ELFN1: variants seen among roughly 807,000 people sequenced by gnomAD.
The protein encoded by ELFN1 is extracellular leucine rich repeat and fibronectin type III domain containing 1, also known as protein ELFN1.
In ELFN1, 6 loss-of-function variants were observed where a neutral mutation model predicts 7.6. That is an observed-to-expected ratio of 0.79 (90% CI 0.43 to 1.56). ELFN1 has a LOEUF of 1.56. Among genes scored for constraint, ELFN1 ranks in the 40% most tolerant of loss-of-function variants. ELFN1 has a pLI of 0.01. For synonymous variants in ELFN1, 657 were observed against 588.1 expected (o/e 1.12, Z -1.70); for missense variants, 1,169 against 1,232.2 (o/e 0.95, Z 0.77).
intron 1 of ELFN1, among the ~76,000 whole-genome samples, chr7:1,677,800 T>C (rs1778900105): frequency 6.6e-6 from 1 of 152,030 alleles, no homozygotes; most frequent in Non-Finnish European, 1.5e-5. Flanking sequence ...GCAAATTCAG[T>C]CGAGCGGATG....
At chr7:1,691,564 G>C (rs1339624312) in intron 2 of ELFN1, among the ~76,000 whole-genome samples, 3 of 152,220 alleles carry the variant, frequency 2.0e-5, no homozygotes, top group Non-Finnish European at 4.4e-5. Context: ...TCTGAAGGCT[G>C]TGTTAGGCTG....
In ELFN1 at chr7:1,738,248, C is replaced by CT. The variant is rs905973498; in HGVS notation, c.-293-6055dup. On this transcript the variant is annotated intron_variant, in intron 3 of 3. Coordinates refer to ENST00000424383, the MANE Select transcript of ELFN1 (RefSeq NM_001128636.4). ...TGCCCAGGGCCGGGCACGTGGAGGC[C>CT]TCTCTCCATCTGGGTGAGGGGCGTC... Among the ~76,000 whole-genome samples, 17 of 152,178 alleles carry CT rather than the reference C, an allele frequency of 1.1e-4. 1 individual carries two copies. The highest frequency in any genetic ancestry group is 4.1e-4 in the African/African-American group (17 of 41,442).
intron 3 of ELFN1, among the ~76,000 whole-genome samples, chr7:1,721,837 G>C (rs998864837): frequency 3.3e-5 from 5 of 152,208 alleles, no homozygotes; most frequent in Non-Finnish European, 7.3e-5. Context: ...CCAAGCTCAA[G>C]TCTCCCTCGG....
Position 1,747,020 on chromosome 7 carries a change from A to G in ELFN1, c.2424A>G (p.Lys808=). ...HALRKKVQFA[K]DEDLHDILDY... is the part of the protein sequence containing the mutation. ...TGCGCAAGAAGGTTCAGTTCGCCAAAGACGAGGATCTGCACGACATCCTGG... is the reference window on the plus strand; with the variant it reads ...TGCGCAAGAAGGTTCAGTTCGCCAAGGACGAGGATCTGCACGACATCCTGG... The change falls in exon 4 of 4, where the codon AAA becomes AAG. Residue 808 remains lysine, a synonymous_variant. Transcript: ENST00000424383. The G allele has an allele frequency of 1.3e-6, 2 of 1,562,674 alleles. No homozygotes were observed. The highest frequency in any genetic ancestry group is 1.7e-6 in the Non-Finnish European group (2 of 1,154,410).
At position 1,746,568 on chromosome 7, in the gene ELFN1, G is replaced by T. The variant is rs1211834858; in HGVS notation, c.1972G>T (p.Gly658Trp). ...CCGCGCCTTCCGAGCCGAGGCCGTC[G>T]GGGTGCACAAGGCCGCGGCCGCCGA... Reference protein sequence around the residue: ...SPRAFRAEAVGVHKAAAAEAK... With the variant: ...SPRAFRAEAVWVHKAAAAEAK... The change falls in exon 4 of 4, where the codon GGG becomes TGG. Residue 658 changes from glycine to tryptophan, a missense_variant. Coordinates refer to ENST00000424383, the MANE Select transcript of ELFN1 (RefSeq NM_001128636.4). 15 of 1,356,970 alleles carry T rather than the reference G, an allele frequency of 1.1e-5. No individual in the cohort carries two copies. The allele number at this position is 1,356,970 out of a possible 1,614,324, so 84.1% of individuals were successfully genotyped here. A position where few individuals can be genotyped will look rare whatever the true frequency, so the allele number is the denominator to read the frequency against.
intron 3 of ELFN1, among the ~76,000 whole-genome samples, chr7:1,743,085 TG>T (rs1355292370): frequency 9.4e-6 from 1 of 106,576 alleles, no homozygotes; most frequent in African/African-American, 4.0e-5. Flanking sequence ...TCGAGGGTAG[TG>T]GTGGGGGGGT....
At position 1,746,661 on chromosome 7, in the gene ELFN1, G is replaced by A. The variant is rs565613294; in HGVS notation, c.2065G>A (p.Val689Met). The part of the protein sequence containing the change: ...AILTVTPAAA[V>M]LRAEAEKGRQ... ...CCTCACTGTGACACCCGCGGCCGCC[G>A]TGCTGCGGGCCGAGGCCGAGAAGGG... The change falls in exon 4 of 4, where the codon GTG becomes ATG. Residue 689 changes from valine to methionine, a missense_variant. Around this residue, in one of 2 missense-constraint regions of ELFN1, gnomAD observed 914 missense variants for 872.6 expected, o/e 1.05. Transcript: ENST00000424383. The A allele has an allele frequency of 1.7e-4, 236 of 1,375,002 alleles. 6 individuals carry two copies. In the South Asian group the frequency reaches 3.6e-3, roughly 21 times the overall value. 85.2% of individuals were successfully genotyped at this position (1,375,002 alleles called of 1,614,324 possible). A position where few individuals can be genotyped will look rare whatever the true frequency, so the allele number is the denominator to read the frequency against.
At chr7:1,729,853 A>G (rs563011928) in intron 3 of ELFN1, among the ~76,000 whole-genome samples, 4 of 152,272 alleles carry the variant, frequency 2.6e-5, no homozygotes, top group Admixed American at 1.3e-4. Context: ...TTCATTTTGT[A>G]TTGTCTGTGC....
chr7:1,692,989 G>A (rs961807221), intron 2 of ELFN1: 15 of 256,368 alleles, frequency 5.9e-5, no homozygotes, highest in East Asian at 3.3e-4. Flanking sequence ...TGTGCTGGCC[G>A]GGCTGTTACT....
Position 1,745,223 on chromosome 7 carries a change from C to T in ELFN1, c.627C>T (p.Thr209=). ...LGFLRWLAAF[T]NATQTYDRMQ... is the part of the protein sequence containing the mutation. ...TCCTGCGCTGGCTGGCCGCCTTCAC[C>T]AACGCCACACAGACGTACGACCGCA... is the stretch of plus-strand genomic sequence containing the variant. The change falls in exon 4 of 4, where the codon ACC becomes ACT. Residue 209 remains threonine (T), a synonymous_variant. Coordinates refer to ENST00000424383, the MANE Select transcript of ELFN1 (RefSeq NM_001128636.4). The T allele has an allele frequency of 6.5e-7, 1 of 1,542,292 alleles. No individual in the cohort carries two copies. The highest frequency in any genetic ancestry group is 8.7e-7 in the Non-Finnish European group (1 of 1,146,904).
Position 1,746,820 on chromosome 7 carries a change from C to A in ELFN1, c.2224C>A (p.Arg742=). 1.3e-6 allele frequency: 2 copies of A among 1,534,370 alleles called. No homozygotes were observed. The highest frequency in any genetic ancestry group is 2.4e-5 in the South Asian group (2 of 82,256). ...RKASILEPLT[R]PRPRDLAYSQ... is the part of the protein sequence containing the mutation. Reference sequence around the variant, plus strand: ...GGCGTCCATCCTGGAGCCACTCACCCGGCCGCGGCCCCGCGACCTCGCCTA... The same window carrying A: ...GGCGTCCATCCTGGAGCCACTCACCAGGCCGCGGCCCCGCGACCTCGCCTA... The change falls in exon 4 of 4, where the codon CGG becomes AGG. Residue 742 remains arginine (R), a synonymous_variant. Transcript: ENST00000424383.
At chr7:1,736,775 C>T (rs1022876176) in intron 3 of ELFN1, among the ~76,000 whole-genome samples, 7 of 152,146 alleles carry the variant, frequency 4.6e-5, no homozygotes, top group African/African-American at 1.4e-4. Flanking sequence ...AATTGGAGAC[C>T]TGGGACTCTG....
Position 1,746,450 on chromosome 7 carries a change from C to A in ELFN1, c.1854C>A (p.Asp618Glu), listed in dbSNP as rs546443014. The A allele has an allele frequency of 6.5e-7, 1 of 1,527,504 alleles. No homozygotes were observed. Among genetic ancestry groups the A allele is most frequent in the South Asian group, 1.2e-5 (1 of 83,262 alleles). The allele number at this position is 1,527,504 out of a possible 1,614,324, so 94.6% of individuals were successfully genotyped here. ...GCTTCCTGGCGCCCGGGTACAAGGA[C>A]GCCTTCGGCCACAGCCTGCAGCGGC... is the stretch of plus-strand genomic sequence containing the variant. The part of the protein sequence containing the change: ...KHGFLAPGYK[D>E]AFGHSLQRHH... The change falls in exon 4 of 4, where the codon GAC becomes GAA. Residue 618 changes from aspartate (D) to glutamate (E), a missense_variant. Asp to Glu is a conservative substitution (Grantham distance 45). Coordinates refer to ENST00000424383, the MANE Select transcript of ELFN1 (RefSeq NM_001128636.4).
chr7:1,726,498 C>T (rs369619188), intron 3 of ELFN1, among the ~76,000 whole-genome samples: 4 of 152,224 alleles, frequency 2.6e-5, no homozygotes, highest in East Asian at 1.9e-4. Context: ...CCAGCTCCCC[C>T]GAGGCCTCAC....
At position 1,744,911 on chromosome 7, in the gene ELFN1, G is replaced by A. The variant is rs77210571; in HGVS notation, c.315G>A (p.Ser105=). 2,834 of 1,553,866 alleles carry A rather than the reference G, an allele frequency of 1.8e-3. 19 individuals are homozygous for A. In the East Asian group the frequency reaches 0.025, roughly 13 times the overall value. The change falls in exon 4 of 4, where the codon TCG becomes TCA. Residue 105 remains serine, a synonymous_variant. Coordinates refer to ENST00000424383, the MANE Select transcript of ELFN1 (RefSeq NM_001128636.4). The part of the protein sequence containing the change: ...EIGYIEDGAF[S]GQFNLQVLQL... The stretch of plus-strand genomic sequence containing the variant: ...GCTACATCGAGGACGGCGCCTTCTC[G>A]GGCCAGTTCAACCTGCAGGTGCTGC...
chr7:1,688,491 T>C (rs1667503081), intron 2 of ELFN1, among the ~76,000 whole-genome samples: 1 of 152,234 alleles, frequency 6.6e-6, no homozygotes, highest in African/African-American at 2.4e-5. Context: ...AATCCACCTG[T>C]AATTTTTTAT....
In ELFN1 at chr7:1,746,411, G is replaced by A. The variant is rs1435819101; in HGVS notation, c.1815G>A (p.Leu605=). The change falls in exon 4 of 4, where the codon CTG becomes CTA. Residue 605 remains leucine (L), a synonymous_variant. Transcript: ENST00000424383. Reference sequence around the variant, plus strand: ...CGCTGGTGCTGCTGTCCGAGCCGCTGGCCGCCAAGCACGGCTTCCTGGCGC... The same window carrying A: ...CGCTGGTGCTGCTGTCCGAGCCGCTAGCCGCCAAGCACGGCTTCCTGGCGC... ...EPPLVLLSEP[L]AAKHGFLAPG... is the part of the protein sequence containing the mutation. The A allele has an allele frequency of 1.3e-6, 2 of 1,535,340 alleles. No individual in the cohort carries two copies. Among genetic ancestry groups the A allele is most frequent in the Non-Finnish European group, 1.8e-6 (2 of 1,142,266 alleles).
At chr7:1,687,857 CCTAT>C (rs1212721893) in intron 1 of ELFN1, among the ~76,000 whole-genome samples, 197 bp from the exon 2 acceptor site, 13 of 151,818 alleles carry the variant, frequency 8.6e-5, no homozygotes, top group African/African-American at 1.4e-4. Flanking sequence ...TTTTTTGTGA[CCTAT>C]CTGTTTAAAA....
At chr7:1,704,667 C>T (rs1779494570) in intron 2 of ELFN1, among the ~76,000 whole-genome samples, 1 of 152,126 alleles carries the variant, frequency 6.6e-6, no homozygotes, top group Non-Finnish European at 1.5e-5. Context: ...GGAGTCCCGT[C>T]TCCCTCACTC....
Sources: allele counts gnomAD v4.1 joint callset (sites outside exome capture counted in the v4.1 genomes callset), GRCh38; gene constraint gnomAD v4.1.1; regional missense constraint gnomAD v4.1.1; transcripts MANE v1.5; gene names NCBI Gene and HGNC (gene_info 2026-07-23, HGNC 2026-07-21).